The following KIF6 variants were observed in gnomAD, a reference collection of about 807,000 sequenced individuals.
KIF6 encodes kinesin-like protein KIF6.
In KIF6, 106 loss-of-function variants were observed where a neutral mutation model predicts 112.7. That is an observed-to-expected ratio of 0.94 (90% confidence interval 0.80 to 1.11). KIF6 has a LOEUF of 1.11. Among genes scored for constraint, KIF6 ranks in the 50% least tolerant of loss-of-function variants. KIF6 has a pLI of 0.00. For missense variants in KIF6, 929 were observed against 964.0 expected (o/e 0.96, Z 0.48); for synonymous variants, 339 against 339.9 (o/e 1.00, Z 0.03).
chr6:39,428,333 C>G (rs1468959348), intron 14 of KIF6, among the ~76,000 whole-genome samples: 1 of 152,172 alleles, frequency 6.6e-6, no homozygotes, highest in Non-Finnish European at 1.5e-5. Flanking sequence ...TTGGATGAGA[C>G]AGCTAGCTTA....
At chr6:39,599,500 A>G (rs1182863396) in intron 6 of KIF6, among the ~76,000 whole-genome samples, 1 of 152,244 alleles carries the variant, frequency 6.6e-6, no homozygotes, top group Non-Finnish European at 1.5e-5. Context: ...AAACAGGCTG[A>G]AAATTTGACC....
At chr6:39,361,773 C>T (rs1289203405) in intron 17 of KIF6, among the ~76,000 whole-genome samples, 3 of 133,214 alleles carry the variant, frequency 2.3e-5, no homozygotes, top group Non-Finnish European at 4.7e-5. Context: ...CCTGGGTGTG[C>T]GTCGGGGGGC....
chr6:39,376,067 A>C (rs1186580404), intron 16 of KIF6, among the ~76,000 whole-genome samples: 2 of 152,178 alleles, frequency 1.3e-5, no homozygotes, highest in African/African-American at 4.8e-5. Flanking sequence ...ACCTCATGTC[A>C]CTGAGGATGG....
chr6:39,673,302 C>T (rs1786948839), intron 3 of KIF6, among the ~76,000 whole-genome samples: 1 of 152,116 alleles, frequency 6.6e-6, no homozygotes, highest in Non-Finnish European at 1.5e-5. Context: ...TACATCCTAC[C>T]AAGTCTCATA....
At chr6:39,547,658 TATATTC>T (rs1247286817) in intron 10 of KIF6, among the ~76,000 whole-genome samples, 2 of 152,202 alleles carry the variant, frequency 1.3e-5, no homozygotes, top group Non-Finnish European at 2.9e-5. Context: ...CCTATATTTA[TATATTC>T]ATTTATACAT....
intron 16 of KIF6, among the ~76,000 whole-genome samples, chr6:39,380,361 C>G (rs1244433096): frequency 6.6e-6 from 1 of 152,194 alleles, no homozygotes; most frequent in East Asian, 1.9e-4. Context: ...CTTCAGCCTC[C>G]TTTTTGTCTT....
intron 3 of KIF6, among the ~76,000 whole-genome samples, chr6:39,667,347 T>C (rs1389502440): frequency 6.6e-6 from 1 of 152,126 alleles, no homozygotes; most frequent in Non-Finnish European, 1.5e-5. Flanking sequence ...AGTTCTGACG[T>C]TTAAGGCAAC....
intron 13 of KIF6, among the ~76,000 whole-genome samples, chr6:39,514,688 G>T (rs1196101041): frequency 6.6e-6 from 1 of 152,162 alleles, no homozygotes; most frequent in Non-Finnish European, 1.5e-5. Context: ...AGGGAAAAAA[G>T]ATGTAATGAC....
At chr6:39,699,683 A>G (rs1459665804) in intron 3 of KIF6, among the ~76,000 whole-genome samples, 2 of 152,176 alleles carry the variant, frequency 1.3e-5, no homozygotes, top group Admixed American at 1.3e-4. Flanking sequence ...TTTTTCCCTT[A>G]AAAACATTTT....
intron 9 of KIF6, among the ~76,000 whole-genome samples, chr6:39,584,247 C>A (rs1212491281): frequency 6.6e-6 from 1 of 151,210 alleles, no homozygotes; most frequent in African/African-American, 2.4e-5. Context: ...CTCAGTGAAA[C>A]CCCGTCTCTA....
intron 5 of KIF6, among the ~76,000 whole-genome samples, chr6:39,618,401 G>A (rs1783642426): frequency 6.6e-6 from 1 of 152,024 alleles, no homozygotes; most frequent in Admixed American, 6.6e-5. Flanking sequence ...ACCCCCTATT[G>A]GCCACGGGGA....
At chr6:39,404,424 A>G (rs1768935082) in intron 15 of KIF6, among the ~76,000 whole-genome samples, 1 of 2,874 alleles carries the variant, frequency 3.5e-4, no homozygotes, top group Non-Finnish European at 1.3e-3. Context: ...TGCTTGTTGA[A>G]AAAAACCCTA....
chr6:39,412,434 C>A (rs1215347590), intron 15 of KIF6, among the ~76,000 whole-genome samples: 1 of 152,226 alleles, frequency 6.6e-6, no homozygotes, highest in Non-Finnish European at 1.5e-5. Context: ...TGATCTCTAT[C>A]ATTTAATAAC....
chr6:39,333,639 T>C lies in KIF6; in HGVS notation c.*2893A>G, dbSNP rs1762814339. The C allele has an allele frequency of 6.6e-6, 1 of 152,260 alleles. No homozygotes were observed. The highest frequency in any genetic ancestry group is 1.5e-5 in the Non-Finnish European group (1 of 68,038). 9.4% of individuals were successfully genotyped at this position (152,260 alleles called of 1,614,324 possible). A position where few individuals can be genotyped will look rare whatever the true frequency, so the allele number is the denominator to read the frequency against. On this transcript the variant is annotated 3_prime_UTR_variant, in exon 23 of 23. Transcript: ENST00000287152. ...TGACAAAGCTTTGGATGTGTAATTC[T>C]ATACTGGTGGTGAAGAATTAAAATG...
At chr6:39,612,225 G>C (rs1057095501) in intron 6 of KIF6, among the ~76,000 whole-genome samples, 9 of 152,154 alleles carry the variant, frequency 5.9e-5, no homozygotes, top group Non-Finnish European at 1.3e-4. Flanking sequence ...GTCCCTTGAC[G>C]GAGATTTTTC....
chr6:39,451,653 G>A (rs565467949), intron 13 of KIF6, among the ~76,000 whole-genome samples: 1 of 152,280 alleles, frequency 6.6e-6, no homozygotes, highest in South Asian at 2.1e-4. Flanking sequence ...GAGGGGCATG[G>A]CTGTGAGGAT....
chr6:39,409,374 G>A (rs1278204545), intron 15 of KIF6, among the ~76,000 whole-genome samples: 1 of 152,156 alleles, frequency 6.6e-6, no homozygotes, highest in East Asian at 1.9e-4. Flanking sequence ...TTTTGCCACC[G>A]AAACTGCCTG....
At chr6:39,715,620 C>T (rs1386996277) in intron 2 of KIF6, among the ~76,000 whole-genome samples, 1 of 151,854 alleles carries the variant, frequency 6.6e-6, no homozygotes, top group East Asian at 1.9e-4. Context: ...TCTCCTGCCT[C>T]AGCCTCCCGA....
At chr6:39,692,319 T>C (rs1351372234) in intron 3 of KIF6, among the ~76,000 whole-genome samples, 2 of 152,352 alleles carry the variant, frequency 1.3e-5, no homozygotes, top group Admixed American at 6.5e-5. Context: ...TCCAATATTT[T>C]GGTAGAGCAA....
Sources: allele counts gnomAD v4.1 joint callset (sites outside exome capture counted in the v4.1 genomes callset), GRCh38; gene constraint gnomAD v4.1.1; transcripts MANE v1.5; gene names NCBI Gene and HGNC (gene_info 2026-07-23, HGNC 2026-07-21).